The following TJP1 variants were observed in gnomAD, a reference collection of about 807,000 sequenced individuals.
The protein encoded by TJP1 is tight junction protein 1, also known as tight junction protein ZO-1.
Under a neutral mutation model 194.2 loss-of-function variants are expected in TJP1, and 43 were observed. The observed-to-expected ratio is 0.22, with a 90% CI of 0.17 to 0.29. The LOEUF is 0.29. Ranked by LOEUF, TJP1 falls within the 10% of genes least tolerant of loss-of-function variation. The pLI, the probability that TJP1 is intolerant of heterozygous loss-of-function variation, is 1.00. For synonymous variants in TJP1, 801 were observed against 779.0 expected, an observed-to-expected ratio of 1.03 and a Z score of -0.47; for missense variants, 1,971 against 2,185.7, an observed-to-expected ratio of 0.90 and a Z score of 1.96.
In TJP1 at chr15:29,761,626, G is replaced by T; in HGVS notation, c.837C>A (p.His279Gln). Residue 279 changes from histidine (H) to glutamine (Q), a missense_variant, in exon 7 of 28, where the codon CAC becomes CAA. Around this residue, in one of 5 missense-constraint regions of TJP1, gnomAD observed 192 missense variants for 182.3 expected, o/e 1.05. Coordinates refer to ENST00000614355, the MANE Select transcript of TJP1 (RefSeq NM_001330239.4). ...LNVPDLSDSI[H>Q]SANASERDDI... ...CGTCTCTCTCAGAGGCATTAGCAGA[G>T]TGGATGCTGTCAGAAAGATCAGGGA... 6.2e-7 allele frequency: 1 copy of T among 1,605,828 alleles called. No homozygotes were observed. Among genetic ancestry groups the T allele is most frequent in the Non-Finnish European group, 8.5e-7 (1 of 1,173,382 alleles).
chr15:29,741,471 G>A (rs1047775793), intron 9 of TJP1, 35 bp from the exon 10 acceptor site: 4 of 1,388,644 alleles, frequency 2.9e-6, no homozygotes, highest in Non-Finnish European at 3.1e-6. Context: ...ACTCACTTTA[G>A]AAAAACATGG....
intron 8 of TJP1, among the ~76,000 whole-genome samples, chr15:29,753,623 A>T (rs117056681): frequency 3.4e-4 from 51 of 152,238 alleles, no homozygotes; most frequent in Admixed American, 6.5e-4. Flanking sequence ...AAATCTTTCA[A>T]CCTTCACTAC....
At chr15:29,946,015 G>A (rs1168346494) in intron 2 of TJP1, among the ~76,000 whole-genome samples, 8 of 152,082 alleles carry the variant, frequency 5.3e-5, no homozygotes, top group Non-Finnish European at 7.3e-5. Context: ...GCTTATTCCA[G>A]GACTGGGGCA....
chr15:29,726,178 G>A (rs1249590088), intron 18 of TJP1, among the ~76,000 whole-genome samples: 1 of 152,056 alleles, frequency 6.6e-6, no homozygotes, highest in Admixed American at 6.6e-5. Flanking sequence ...AATTCAACAG[G>A]TGAGAAAATT....
chr15:29,795,837 G>C (rs187386412), intron 2 of TJP1, among the ~76,000 whole-genome samples: 1 of 152,104 alleles, frequency 6.6e-6, no homozygotes, highest in African/African-American at 2.4e-5. Context: ...TCTGAGGAAT[G>C]CAAGGCTGTT....
In TJP1 at chr15:29,865,911, A is replaced by G. The variant is rs116032129; in HGVS notation, c.307-65209T>C. On this transcript the variant is annotated intron_variant, in intron 2 of 28. Coordinates refer to the TJP1 transcript ENST00000356107. Reference sequence around the variant, plus strand: ...ACCCAGTTTTATTGAGATCAATTCAAATCGCCAGGCACTGTGCTAGGAGAC... The same window carrying G: ...ACCCAGTTTTATTGAGATCAATTCAGATCGCCAGGCACTGTGCTAGGAGAC... Among the ~76,000 whole-genome samples the G allele has an allele frequency of 3.0e-3, 464 of 152,320 alleles. 3 individuals are homozygous for G. Among genetic ancestry groups the G allele is most frequent in the African/African-American group, 0.011 (437 of 41,580 alleles).
At chr15:29,941,719 C>T (rs1369698464) in intron 2 of TJP1, among the ~76,000 whole-genome samples, 4 of 152,236 alleles carry the variant, frequency 2.6e-5, no homozygotes, top group Admixed American at 2.6e-4. Flanking sequence ...CACTCTGCAC[C>T]GCCTCCACCA....
chr15:29,782,195 A>C (rs1367404094), intron 2 of TJP1, among the ~76,000 whole-genome samples: 1 of 152,000 alleles, frequency 6.6e-6, no homozygotes, highest in Non-Finnish European at 1.5e-5. Context: ...GAGCCAAATC[A>C]GGAATGCAAT....
chr15:29,744,424 A>G (rs921841029), intron 8 of TJP1, among the ~76,000 whole-genome samples: 1 of 152,230 alleles, frequency 6.6e-6, no homozygotes, highest in Non-Finnish European at 1.5e-5. Context: ...TCATTCTAGT[A>G]TCAGTTTTAG....
chr15:29,889,315 C>A (rs1053975730), intron 2 of TJP1, among the ~76,000 whole-genome samples: 9 of 152,098 alleles, frequency 5.9e-5, no homozygotes, highest in Non-Finnish European at 1.2e-4. Context: ...GTATGAAATA[C>A]TTTTTTTCTC....
chr15:29,956,734 A>C (rs1394096763), intron 1 of TJP1, among the ~76,000 whole-genome samples: 2 of 152,108 alleles, frequency 1.3e-5, no homozygotes, highest in African/African-American at 4.8e-5. Flanking sequence ...CACACGAATA[A>C]AAAAATTAGC....
intron 1 of TJP1, among the ~76,000 whole-genome samples, chr15:29,961,639 C>T (rs1316662088): frequency 2.0e-5 from 3 of 152,160 alleles, no homozygotes; most frequent in Non-Finnish European, 4.4e-5. Flanking sequence ...CCCACCCTCT[C>T]GTTCCACTTC....
At position 29,948,953 on chromosome 15, in the gene TJP1, C is replaced by T. The variant is rs372652986; in HGVS notation, c.306+7279G>A. On this transcript the variant is annotated intron_variant, in intron 2 of 28. Transcript: ENST00000356107. ...ACCTCCTCCTCTTCCAACTCCACCA[C>T]CACCACCCCCTCCACCACCTCTACC... is the stretch of plus-strand genomic sequence containing the variant. Among the ~76,000 whole-genome samples the T allele has an allele frequency of 3.8e-4, 57 of 150,684 alleles. 1 individual carries two copies. The highest frequency in any genetic ancestry group is 1.3e-3 in the African/African-American group (52 of 40,930).
intron 2 of TJP1, among the ~76,000 whole-genome samples, chr15:29,873,732 C>T (rs1310926925): frequency 2.6e-5 from 4 of 152,110 alleles, no homozygotes; most frequent in Non-Finnish European, 4.4e-5. Flanking sequence ...GCTTTATGGC[C>T]TTTGGGATTT....
chr15:29,751,308 T>A (rs913157142), intron 8 of TJP1, among the ~76,000 whole-genome samples: 1 of 152,242 alleles, frequency 6.6e-6, no homozygotes, highest in East Asian at 1.9e-4. Flanking sequence ...ATCTGTCCTT[T>A]ACATGTAATC....
At chr15:29,900,928 G>C (rs2053614634) in intron 2 of TJP1, among the ~76,000 whole-genome samples, 1 of 152,172 alleles carries the variant, frequency 6.6e-6, no homozygotes, top group Non-Finnish European at 1.5e-5. Flanking sequence ...AGAAGATTCA[G>C]ATGTCAGCAG....
chr15:29,727,024 A>C (rs1566906728), intron 16 of TJP1, 33 bp from the exon 17 acceptor site: 9 of 1,579,784 alleles, frequency 5.7e-6, no homozygotes, highest in Non-Finnish European at 6.1e-6. Context: ...ATACAAAGAC[A>C]CAAGACATCA....
At chr15:29,928,941 CA>C (rs139638246) in intron 2 of TJP1, among the ~76,000 whole-genome samples, 9,827 of 149,408 alleles carry the variant, frequency 0.066, 571 homozygotes, top group African/African-American at 0.16. Context: ...GACTCCATCT[CA>C]AAAAAAAACC....
intron 8 of TJP1, among the ~76,000 whole-genome samples, chr15:29,749,330 T>C (rs2045082107): frequency 6.6e-6 from 1 of 152,202 alleles, no homozygotes; most frequent in Non-Finnish European, 1.5e-5. Context: ...GAGCCTACTT[T>C]AGGTCTTACC....
Sources: allele counts gnomAD v4.1 joint callset (sites outside exome capture counted in the v4.1 genomes callset), GRCh38; gene constraint gnomAD v4.1.1; regional missense constraint gnomAD v4.1.1; transcripts MANE v1.5; gene names NCBI Gene and HGNC (gene_info 2026-07-23, HGNC 2026-07-21).